The following VPS54 variants were observed in gnomAD, a reference collection of about 807,000 sequenced individuals.
VPS54 encodes the protein vacuolar protein sorting-associated protein 54.
VPS54 carries 45 observed loss-of-function variants against 121.5 expected under a neutral mutation model. That is an observed-to-expected ratio of 0.37 (90% CI 0.29 to 0.47). The LOEUF (loss-of-function observed/expected upper bound fraction) is 0.47. Ranked by LOEUF, VPS54 falls within the 20% of genes least tolerant of loss-of-function variation. The pLI is 0.99. For missense variants in VPS54, 1,090 were observed against 1,131.4 expected (o/e 0.96, Z 0.52); for synonymous variants, 371 against 385.8 (o/e 0.96, Z 0.45).
intron 1 of VPS54, among the ~76,000 whole-genome samples, chr2:64,003,433 T>C (rs185524940): frequency 1.2e-3 from 183 of 152,360 alleles, no homozygotes; most frequent in Non-Finnish European, 2.9e-4. Context: ...AGTCACTCTA[T>C]GTATTTCAAT....
At chr2:63,906,723 C>T (rs1051891158) in intron 20 of VPS54, among the ~76,000 whole-genome samples, 1 of 152,140 alleles carries the variant, frequency 6.6e-6, no homozygotes, top group African/African-American at 2.4e-5. Flanking sequence ...GGCTCTGGTA[C>T]AAAACTGGAT....
At chr2:63,948,630 G>T (rs1675101135) in intron 8 of VPS54, among the ~76,000 whole-genome samples, 1 of 151,664 alleles carries the variant, frequency 6.6e-6, no homozygotes, top group Non-Finnish European at 1.5e-5. Context: ...CAAACTCCTG[G>T]GCTCAAGCAA....
At chr2:63,969,072 T>A in intron 4 of VPS54, 81 bp from the exon 5 acceptor site, 1 of 1,173,456 alleles carries the variant, frequency 8.5e-7, no homozygotes, top group Non-Finnish European at 1.2e-6. Flanking sequence ...ACAGATTCAG[T>A]ATTGTACTGG....
intron 20 of VPS54, among the ~76,000 whole-genome samples, chr2:63,911,096 G>C (rs1673129686): frequency 6.6e-6 from 1 of 151,918 alleles, no homozygotes; most frequent in Admixed American, 6.6e-5. Context: ...TTCTAACCTT[G>C]TTAGATGGTA....
intron 3 of VPS54, chr2:63,975,602 A>C (rs974281536): frequency 3.3e-5 from 5 of 152,440 alleles, no homozygotes; most frequent in Non-Finnish European, 7.3e-5. Context: ...CCAGGAACTG[A>C]CTCAGCACAT....
chr2:63,942,972 G>A (rs1236429222), intron 10 of VPS54, among the ~76,000 whole-genome samples: 2 of 152,154 alleles, frequency 1.3e-5, no homozygotes, highest in African/African-American at 2.4e-5. Context: ...ACAACACAAT[G>A]CCTTGGTTTA....
chr2:64,013,579 T>G (rs1678531784), intron 1 of VPS54, among the ~76,000 whole-genome samples: 1 of 146,956 alleles, frequency 6.8e-6, no homozygotes, highest in African/African-American at 2.5e-5. Context: ...TCAGCATTTA[T>G]ATATAAATAT....
At chr2:63,975,868 A>G (rs1428380649) in intron 3 of VPS54, among the ~76,000 whole-genome samples, 2 of 152,190 alleles carry the variant, frequency 1.3e-5, no homozygotes, top group Admixed American at 6.5e-5. Flanking sequence ...CCCATTGGCA[A>G]TTACATAGCT....
intron 20 of VPS54, among the ~76,000 whole-genome samples, chr2:63,904,437 T>TC (rs1397856708): frequency 1.1e-4 from 1 of 9,286 alleles, no homozygotes; most frequent in African/African-American, 3.1e-4. Context: ...AGACTTGGTC[T>TC]CAAAAAAAAA....
chr2:63,975,009 G>A (rs2104594700), intron 3 of VPS54: 1 of 1,549,694 alleles, frequency 6.5e-7, no homozygotes, highest in East Asian at 2.4e-5. Flanking sequence ...TTAGTGGGAA[G>A]CATCTAGTTT....
chr2:63,985,389 C>G (rs1255441649), intron 1 of VPS54, among the ~76,000 whole-genome samples: 1 of 152,136 alleles, frequency 6.6e-6, no homozygotes, highest in East Asian at 1.9e-4. Flanking sequence ...AATAGTTCAT[C>G]TGTTCTAACT....
At chr2:63,899,348 G>A in intron 21 of VPS54, 126 bp downstream of exon 21, 1 of 773,800 alleles carries the variant, frequency 1.3e-6, no homozygotes, top group Non-Finnish European at 2.0e-6. Flanking sequence ...ATATAACAAT[G>A]TAAAAAAATG....
intron 12 of VPS54, among the ~76,000 whole-genome samples, chr2:63,923,911 G>A (rs142544898): frequency 6.6e-6 from 1 of 152,322 alleles, no homozygotes; most frequent in African/African-American, 2.4e-5. Flanking sequence ...TACAGGAATA[G>A]TCAGAGCCGT....
intron 1 of VPS54, among the ~76,000 whole-genome samples, 189 bp downstream of exon 1, chr2:64,018,749 A>C (rs1371082993): frequency 1.2e-4 from 2 of 16,160 alleles, no homozygotes; most frequent in Admixed American, 4.9e-4. Flanking sequence ...GTGAAAAGGA[A>C]AAAAAAAAAA....
At chr2:63,915,872 G>C (rs913118655) in intron 16 of VPS54, among the ~76,000 whole-genome samples, 1 of 152,088 alleles carries the variant, frequency 6.6e-6, no homozygotes, top group Non-Finnish European at 1.5e-5. Context: ...AATAAAAACG[G>C]TAAGACCTCA....
At chr2:63,905,102 A>G (rs1449593276) in intron 20 of VPS54, among the ~76,000 whole-genome samples, 1 of 152,206 alleles carries the variant, frequency 6.6e-6, no homozygotes, top group Non-Finnish European at 1.5e-5. Context: ...AAAAAGGAAA[A>G]GAAAGGTCTC....
intron 12 of VPS54, among the ~76,000 whole-genome samples, chr2:63,924,419 G>A (rs1673799881): frequency 6.6e-6 from 1 of 152,182 alleles, no homozygotes; most frequent in Admixed American, 6.5e-5. Flanking sequence ...GAAGGTAACA[G>A]AGAACTAAGA....
intron 12 of VPS54, among the ~76,000 whole-genome samples, chr2:63,924,077 A>G (rs1288625211): frequency 6.6e-6 from 1 of 152,236 alleles, no homozygotes; most frequent in Non-Finnish European, 1.5e-5. Flanking sequence ...CAATTGGGGA[A>G]AGCCAGAGAA....
At position 63,893,183 on chromosome 2, in the gene VPS54, C is replaced by G. The variant is rs1392698063; in HGVS notation, c.*247G>C. The G allele has an allele frequency of 1.9e-6, 1 of 536,820 alleles. No homozygotes were observed. Among genetic ancestry groups the G allele is most frequent in the Non-Finnish European group, 3.4e-6 (1 of 296,220 alleles). The allele number at this position is 536,820 out of a possible 1,614,324, so 33.3% of individuals were successfully genotyped here. On this transcript the variant is annotated 3_prime_UTR_variant, in exon 23 of 23. Coordinates refer to ENST00000272322, the MANE Select transcript of VPS54 (RefSeq NM_016516.3). ...GGTCCAAAGAAACCTGAGTCTGTTT[C>G]CAGAGAGAATGAAAAATGTTATAGA...
Sources: gnomAD v4.1 joint callset for allele counts (sites outside exome capture counted in the v4.1 genomes callset) on GRCh38, gnomAD v4.1.1 for gene constraint, MANE v1.5 for transcripts, NCBI Gene and HGNC (gene_info 2026-07-23, HGNC 2026-07-21) for gene names.